Variants in FAM81B observed in about 807,000 individuals in gnomAD.
The protein encoded by FAM81B is family with sequence similarity 81 member B.
A neutral mutation model predicts 58.7 loss-of-function variants in FAM81B; 60 were observed. The ratio of observed to expected loss-of-function variants is 1.02; its 90% CI spans 0.83 to 1.27. FAM81B has a LOEUF of 1.27. FAM81B is among the 50% of genes most tolerant of loss of function. The pLI is 0.00. For synonymous variants in FAM81B, 189 were observed against 179.6 expected (o/e 1.05, Z -0.42); for missense variants, 491 against 522.0 (o/e 0.94, Z 0.58).
At chr5:95,398,053 G>A (rs577472016) in intron 3 of FAM81B, among the ~76,000 whole-genome samples, 7 of 152,290 alleles carry the variant, frequency 4.6e-5, no homozygotes, top group East Asian at 1.9e-4. Context: ...GGGCATTTCA[G>A]TAATAAGTGC....
chr5:95,426,094 G>GTATATATATATATA lies in FAM81B; in HGVS notation c.657-2493_657-2480dup, dbSNP rs57076025. 4.3e-3 allele frequency among the ~76,000 whole-genome samples: 512 copies of GTATATATATATATA among 119,990 alleles called. 3 individuals are homozygous for GTATATATATATATA. The highest frequency in any genetic ancestry group is 5.9e-3 in the African/African-American group (179 of 30,564). The allele number at this position is 119,990 out of a possible 152,430, so 78.7% of individuals were successfully genotyped here. ...TTATGTTTTCTTCCTATCTCTGTGT[G>GTATATATATATATA]TATATATATATATATATATATATAT... On this transcript the variant is annotated intron_variant, in intron 5 of 9. Transcript: ENST00000283357.
chr5:95,399,884 G>A (rs920462074), intron 3 of FAM81B, among the ~76,000 whole-genome samples: 15 of 152,146 alleles, frequency 9.9e-5, no homozygotes, highest in African/African-American at 3.6e-4. Flanking sequence ...AAGTGCAAAT[G>A]TAACAGGAAG....
At chr5:95,448,544 G>A in intron 9 of FAM81B, 80 bp downstream of exon 9, 1 of 1,324,358 alleles carries the variant, frequency 7.6e-7, no homozygotes, top group Non-Finnish European at 1.0e-6. Context: ...TGAGCTAATG[G>A]CCAGGGATCA....
chr5:95,423,179 A>G (rs918906630), intron 5 of FAM81B, among the ~76,000 whole-genome samples: 1 of 152,198 alleles, frequency 6.6e-6, no homozygotes, highest in African/African-American at 2.4e-5. Context: ...ACTAGCAAAC[A>G]TTTTACTGCT....
intron 3 of FAM81B, among the ~76,000 whole-genome samples, chr5:95,401,635 T>C (rs868249291): frequency 1.3e-5 from 2 of 152,276 alleles, no homozygotes; most frequent in Middle Eastern, 3.4e-3. Flanking sequence ...ACTAGTCATA[T>C]ATTAGATCTC....
intron 7 of FAM81B, among the ~76,000 whole-genome samples, chr5:95,446,046 C>T (rs1423369660): frequency 1.3e-5 from 2 of 152,178 alleles, no homozygotes; most frequent in Non-Finnish European, 2.9e-5. Context: ...TATAACCGTA[C>T]TCATTTCTTT....
chr5:95,427,857 G>T (rs1288496450), intron 5 of FAM81B, among the ~76,000 whole-genome samples: 1 of 152,138 alleles, frequency 6.6e-6, no homozygotes, highest in African/African-American at 2.4e-5. Flanking sequence ...AGAGTCACGG[G>T]TAACAGTTGT....
chr5:95,400,126 C>A (rs1762066866), intron 3 of FAM81B, among the ~76,000 whole-genome samples: 1 of 152,168 alleles, frequency 6.6e-6, no homozygotes, highest in Admixed American at 6.5e-5. Flanking sequence ...TTACATTTCT[C>A]CTGGGCTAGG....
intron 3 of FAM81B, among the ~76,000 whole-genome samples, chr5:95,407,423 C>T (rs977910288): frequency 3.3e-5 from 5 of 150,876 alleles, no homozygotes; most frequent in East Asian, 1.9e-4. Flanking sequence ...CACACACACG[C>T]GTGCGCGCAC....
intron 7 of FAM81B, among the ~76,000 whole-genome samples, chr5:95,446,188 C>T (rs1292787347): frequency 6.6e-6 from 1 of 152,132 alleles, no homozygotes; most frequent in Non-Finnish European, 1.5e-5. Flanking sequence ...TAATAATCCC[C>T]ACCACAAGGG....
At chr5:95,442,394 C>T (rs1561314762) in intron 7 of FAM81B, among the ~76,000 whole-genome samples, 1 of 152,160 alleles carries the variant, frequency 6.6e-6, no homozygotes, top group Non-Finnish European at 1.5e-5. Flanking sequence ...GCTGAAGATA[C>T]TCAATGCACC....
chr5:95,426,749 A>T (rs1420342516), intron 5 of FAM81B, among the ~76,000 whole-genome samples: 1 of 152,164 alleles, frequency 6.6e-6, no homozygotes, highest in Non-Finnish European at 1.5e-5. Flanking sequence ...ATCTGTAGGC[A>T]TTAAGAAGCT....
chr5:95,432,420 CTA>C (rs1744939989), intron 6 of FAM81B, among the ~76,000 whole-genome samples: 1 of 151,990 alleles, frequency 6.6e-6, no homozygotes, highest in African/African-American at 2.4e-5. Flanking sequence ...TCTTATTTTT[CTA>C]TGTTCTGAAA....
At chr5:95,437,781 T>C (rs1409195155) in intron 7 of FAM81B, among the ~76,000 whole-genome samples, 2 of 152,194 alleles carry the variant, frequency 1.3e-5, no homozygotes, top group Non-Finnish European at 2.9e-5. Flanking sequence ...TTTTTTTCTT[T>C]TTTTAAATGA....
intron 6 of FAM81B, among the ~76,000 whole-genome samples, chr5:95,431,537 A>C (rs1744891034): frequency 6.6e-6 from 1 of 151,998 alleles, no homozygotes; most frequent in African/African-American, 2.4e-5. Flanking sequence ...ATCATGTTAA[A>C]TTTGTAAATA....
At chr5:95,392,434 T>A (rs1039203888) in intron 1 of FAM81B, among the ~76,000 whole-genome samples, 2 of 152,118 alleles carry the variant, frequency 1.3e-5, no homozygotes, top group African/African-American at 4.8e-5. Flanking sequence ...CAAACCACCA[T>A]GGCACGTGTA....
Position 95,402,178 on chromosome 5 carries a change from G to T in FAM81B, c.293+6003G>T, listed in dbSNP as rs377760995. 3.9e-5 allele frequency among the ~76,000 whole-genome samples: 6 copies of T among 152,338 alleles called. No homozygotes were observed. In the South Asian group the frequency reaches 1.2e-3, roughly 32 times the overall value. ...TTTTTATCCCTTAGGAATACCTAAT[G>T]ATTTGAATAATGGCCTCGTCAGGAA... is the stretch of plus-strand genomic sequence containing the variant. On this transcript the variant is annotated intron_variant, in intron 3 of 9. Transcript: ENST00000283357.
intron 7 of FAM81B, among the ~76,000 whole-genome samples, chr5:95,443,007 T>G (rs1053166199): frequency 6.6e-6 from 1 of 152,198 alleles, no homozygotes; most frequent in African/African-American, 2.4e-5. Flanking sequence ...CCTATCTAAG[T>G]TCTTGAGAGC....
chr5:95,395,329 G>A (rs1265651018), intron 2 of FAM81B, among the ~76,000 whole-genome samples: 3 of 151,438 alleles, frequency 2.0e-5, no homozygotes, highest in Non-Finnish European at 4.4e-5. Flanking sequence ...TGTCGTCCCA[G>A]CTACGCAGGA....
Sources: allele counts gnomAD v4.1 joint callset (sites outside exome capture counted in the v4.1 genomes callset), GRCh38; gene constraint gnomAD v4.1.1; transcripts MANE v1.5; gene names NCBI Gene and HGNC (gene_info 2026-07-23, HGNC 2026-07-21).